XRCC4: variants seen among roughly 807,000 people sequenced by gnomAD.
XRCC4 encodes DNA repair protein XRCC4.
In XRCC4, 28 loss-of-function variants were observed where a neutral mutation model predicts 39.1. The ratio of observed to expected loss-of-function variants is 0.72; its 90% CI spans 0.53 to 0.98. XRCC4 has a LOEUF of 0.98. Among genes scored for constraint, XRCC4 ranks in the 50% least tolerant of loss-of-function variants. XRCC4 has a pLI of 0.00. For missense variants in XRCC4, 350 were observed against 376.4 expected, an observed-to-expected ratio of 0.93 and a Z score of 0.58; for synonymous variants, 123 against 126.4, an observed-to-expected ratio of 0.97 and a Z score of 0.18.
chr5:83,296,258 G>A (rs916995609), intron 7 of XRCC4, among the ~76,000 whole-genome samples: 1 of 152,110 alleles, frequency 6.6e-6, no homozygotes, highest in Non-Finnish European at 1.5e-5. Flanking sequence ...GAGACAATGT[G>A]TAAAATCTCT....
At chr5:83,140,121 A>T (rs752114260) in intron 3 of XRCC4, among the ~76,000 whole-genome samples, 1 of 152,176 alleles carries the variant, frequency 6.6e-6, no homozygotes, top group Admixed American at 6.5e-5. Context: ...AACTAATAGG[A>T]TATATGTATA....
At chr5:83,218,915 T>C (rs1304612404) in intron 6 of XRCC4, among the ~76,000 whole-genome samples, 3 of 150,232 alleles carry the variant, frequency 2.0e-5, no homozygotes, top group African/African-American at 7.6e-5. Context: ...AATATGTTAG[T>C]TTGCCAGGGC....
Position 83,111,057 on chromosome 5 carries a change from G to A in XRCC4, c.169G>A (p.Asp57Asn). 6.2e-7 allele frequency: 1 copy of A among 1,609,060 alleles called. No homozygotes were observed. The highest frequency in any genetic ancestry group is 8.5e-7 in the Non-Finnish European group (1 of 1,178,282). Residue 57 changes from aspartate (D) to asparagine (N), a missense_variant, in exon 3 of 8, where the codon GAT (aspartate) becomes AAT (asparagine). By Grantham distance (23) the Asp-to-Asn change is conservative. Transcript: ENST00000396027. ...VSESEISQEADDMAMEKGKYV... is the reference protein window; with the variant it reads ...VSESEISQEANDMAMEKGKYV... The stretch of plus-strand genomic sequence containing the variant: ...TGAATCAGAGATTTCCCAAGAAGCT[G>A]ATGACATGGCAATGGAAAAAGGGAA...
intron 3 of XRCC4, among the ~76,000 whole-genome samples, chr5:83,128,194 G>T (rs887622818): frequency 6.6e-6 from 1 of 151,956 alleles, no homozygotes. Flanking sequence ...TCATTGTTCA[G>T]TTCCCACCTA....
At chr5:83,156,549 A>G (rs1449738754) in intron 3 of XRCC4, among the ~76,000 whole-genome samples, 2 of 152,070 alleles carry the variant, frequency 1.3e-5, no homozygotes, top group South Asian at 2.1e-4. Context: ...TTTAGTCAGT[A>G]TGTCTCAAAT....
intron 7 of XRCC4, chr5:83,310,788 G>A (rs1755682504): frequency 4.4e-6 from 2 of 456,618 alleles, no homozygotes; most frequent in Non-Finnish European, 8.8e-6. Context: ...TTCCTTATTA[G>A]AGGGAGGAAG....
intron 7 of XRCC4, among the ~76,000 whole-genome samples, chr5:83,350,979 G>T (rs911493279): frequency 6.6e-6 from 1 of 152,104 alleles, no homozygotes; most frequent in African/African-American, 2.4e-5. Context: ...TTGGATTGGT[G>T]TCCCCACCCA....
intron 3 of XRCC4, among the ~76,000 whole-genome samples, chr5:83,116,637 T>TGATA (rs1746732511): frequency 9.8e-6 from 1 of 102,384 alleles, no homozygotes; most frequent in African/African-American, 4.5e-5. Context: ...TTTTTTTTTT[T>TGATA]TTGAGATGGA....
intron 3 of XRCC4, among the ~76,000 whole-genome samples, chr5:83,130,993 G>T (rs1228992583): frequency 6.6e-6 from 1 of 151,888 alleles, no homozygotes; most frequent in East Asian, 1.9e-4. Flanking sequence ...GATCCTAGTT[G>T]TTTCTTGCCT....
intron 3 of XRCC4, among the ~76,000 whole-genome samples, chr5:83,184,472 C>G (rs1026718779): frequency 7.3e-5 from 11 of 151,372 alleles, no homozygotes; most frequent in Non-Finnish European, 1.5e-4. Context: ...TGGGAAGGAG[C>G]TAGAATTTTA....
chr5:83,107,049 C>G (rs1449283913), intron 2 of XRCC4, among the ~76,000 whole-genome samples: 1 of 151,896 alleles, frequency 6.6e-6, no homozygotes, highest in Non-Finnish European at 1.5e-5. Flanking sequence ...TATGTATTCT[C>G]AGGTGGATTG....
At chr5:83,252,797 G>C (rs1202966485) in intron 6 of XRCC4, among the ~76,000 whole-genome samples, 1 of 152,026 alleles carries the variant, frequency 6.6e-6, no homozygotes, top group East Asian at 1.9e-4. Flanking sequence ...TCATCTGGAG[G>C]TTTATAAGTA....
At chr5:83,339,704 C>T (rs1366887412) in intron 7 of XRCC4, among the ~76,000 whole-genome samples, 5 of 152,108 alleles carry the variant, frequency 3.3e-5, no homozygotes, top group Non-Finnish European at 7.4e-5. Context: ...TTCAGCAGAG[C>T]ATTAAACCAA....
At chr5:83,228,674 C>T (rs1333765536) in intron 6 of XRCC4, among the ~76,000 whole-genome samples, 1 of 151,968 alleles carries the variant, frequency 6.6e-6, no homozygotes, top group Non-Finnish European at 1.5e-5. Flanking sequence ...TAGTTACATG[C>T]AACATGTAAA....
intron 3 of XRCC4, among the ~76,000 whole-genome samples, chr5:83,180,947 G>A (rs1372999951): frequency 6.6e-6 from 1 of 151,204 alleles, no homozygotes; most frequent in Non-Finnish European, 1.5e-5. Flanking sequence ...TCAAAGTTAT[G>A]TATGCATGAT....
chr5:83,187,956 G>C (rs1384659178), intron 3 of XRCC4, among the ~76,000 whole-genome samples: 1 of 152,210 alleles, frequency 6.6e-6, no homozygotes, highest in African/African-American at 2.4e-5. Flanking sequence ...AATGACAGGA[G>C]CAGAAAAATG....
intron 7 of XRCC4, chr5:83,311,146 A>C (rs1755696810): frequency 5.1e-6 from 1 of 194,744 alleles, no homozygotes; most frequent in South Asian, 8.1e-5. Flanking sequence ...ATAAAGTCAT[A>C]GGAAAGCCAG....
intron 3 of XRCC4, among the ~76,000 whole-genome samples, chr5:83,155,259 G>T: frequency 6.6e-6 from 1 of 152,036 alleles, no homozygotes; most frequent in Non-Finnish European, 1.5e-5. Context: ...AGACTTCCTT[G>T]GAGGACTACT....
downstream of XRCC4, among the ~76,000 whole-genome samples, chr5:83,355,946 C>G (rs1269636634): frequency 6.6e-6 from 1 of 151,966 alleles, no homozygotes; most frequent in Non-Finnish European, 1.5e-5. Context: ...CCAGGTTTGA[C>G]AGTAGAGAGA....
Sources: allele counts gnomAD v4.1 joint callset (sites outside exome capture counted in the v4.1 genomes callset), GRCh38; gene constraint gnomAD v4.1.1; transcripts MANE v1.5; gene names NCBI Gene and HGNC (gene_info 2026-07-23, HGNC 2026-07-21).